The following CNTNAP2 variants were observed in gnomAD, a reference collection of about 807,000 sequenced individuals.
The protein encoded by CNTNAP2 is contactin-associated protein-like 2.
In CNTNAP2, 98 loss-of-function variants were observed where a neutral mutation model predicts 155.2. The ratio of observed to expected loss-of-function variants is 0.63; its 90% CI spans 0.54 to 0.75. CNTNAP2 has a LOEUF of 0.75. Ranked by LOEUF, CNTNAP2 falls within the 30% of genes least tolerant of loss-of-function variation. The probability of loss-of-function intolerance (pLI) is 0.00; values close to 1 mark genes in which losing one functional copy is unlikely to be tolerated. For missense variants in CNTNAP2, 1,727 were observed against 1,688.1 expected (o/e 1.02, Z -0.40); for synonymous variants, 651 against 631.2 (o/e 1.03, Z -0.47).
intron 1 of CNTNAP2, among the ~76,000 whole-genome samples, chr7:146,387,643 A>T (rs893353030): frequency 6.6e-6 from 1 of 152,174 alleles, no homozygotes; most frequent in Admixed American, 6.5e-5. Context: ...ACCCTACTGC[A>T]TAGTAGATGG....
chr7:147,995,662 C>G (rs1054797060), intron 15 of CNTNAP2, among the ~76,000 whole-genome samples: 1 of 151,960 alleles, frequency 6.6e-6, no homozygotes, highest in Non-Finnish European at 1.5e-5. Context: ...TACAGGCGCC[C>G]GCCACCATGC....
At chr7:147,752,853 T>TAAAA (rs1176833143) in intron 13 of CNTNAP2, among the ~76,000 whole-genome samples, 18 of 152,288 alleles carry the variant, frequency 1.2e-4, no homozygotes, top group Non-Finnish European at 2.4e-4. Flanking sequence ...TGTTTTTGTG[T>TAAAA]CATGGAAAAC....
At chr7:147,928,745 A>C (rs1800443073) in intron 14 of CNTNAP2, among the ~76,000 whole-genome samples, 1 of 152,084 alleles carries the variant, frequency 6.6e-6, no homozygotes, top group Non-Finnish European at 1.5e-5. Context: ...AGTCCTAAAA[A>C]CCACATCTTA....
chr7:146,264,441 A>G (rs1415434814), intron 1 of CNTNAP2, among the ~76,000 whole-genome samples: 2 of 151,696 alleles, frequency 1.3e-5, no homozygotes, highest in Non-Finnish European at 2.9e-5. Flanking sequence ...ATACAGTGAG[A>G]CTCCATCTGA....
chr7:147,274,900 T>A (rs1391106109), intron 8 of CNTNAP2, among the ~76,000 whole-genome samples: 1 of 152,120 alleles, frequency 6.6e-6, no homozygotes, highest in East Asian at 1.9e-4. Flanking sequence ...CTCTCCAATT[T>A]TCTCAACACC....
intron 10 of CNTNAP2, among the ~76,000 whole-genome samples, chr7:147,481,883 A>T (rs1011278592): frequency 6.6e-6 from 1 of 152,228 alleles, no homozygotes; most frequent in African/African-American, 2.4e-5. Context: ...CAAATTACAC[A>T]TTCCTTGTGG....
chr7:146,933,427 A>G (rs951800122), intron 3 of CNTNAP2, among the ~76,000 whole-genome samples: 5 of 151,522 alleles, frequency 3.3e-5, no homozygotes, highest in Admixed American at 1.3e-4. Flanking sequence ...TACCTTATAC[A>G]AAAATTAATT....
chr7:147,994,935 G>A (rs1801775873), intron 15 of CNTNAP2, among the ~76,000 whole-genome samples: 1 of 152,170 alleles, frequency 6.6e-6, no homozygotes, highest in Non-Finnish European at 1.5e-5. Context: ...GTACTCATGG[G>A]TATGACTACA....
intron 1 of CNTNAP2, 45 bp downstream of exon 1, chr7:146,117,018 G>A: frequency 6.7e-7 from 1 of 1,494,760 alleles, no homozygotes; most frequent in Admixed American, 2.0e-5. Context: ...GTTTCAGTGC[G>A]GCATTGATGT....
rs1364604968 is a variant in CNTNAP2 at position 146,839,830 on chromosome 7, G to A, written c.328G>A (p.Val110Met). The A allele has an allele frequency of 5.0e-6, 8 of 1,614,018 alleles. No individual in the cohort carries two copies. The highest frequency in any genetic ancestry group is 6.8e-6 in the Non-Finnish European group (8 of 1,180,050). Residue 110 changes from valine (V) to methionine (M), a missense_variant, in exon 3 of 24, where the codon GTG becomes ATG. By Grantham distance (21) the Val-to-Met change is conservative. Transcript: ENST00000361727. The stretch of plus-strand genomic sequence containing the variant: ...AGGAAGGTATAGCAGCTCAGATTGG[G>A]TGACCCAATACCGGATGCTCTACAG... ...TQGRYSSSDWVTQYRMLYSDT... is the reference protein window; with the variant it reads ...TQGRYSSSDWMTQYRMLYSDT...
At chr7:146,630,184 C>G (rs1165977198) in intron 1 of CNTNAP2, among the ~76,000 whole-genome samples, 1 of 151,992 alleles carries the variant, frequency 6.6e-6, no homozygotes, top group Non-Finnish European at 1.5e-5. Flanking sequence ...CTACCTGTGT[C>G]CATGTGTTCT....
In CNTNAP2 at chr7:147,019,129, G is replaced by A. The variant is rs182056259; in HGVS notation, c.403-24778G>A. Among the ~76,000 whole-genome samples the A allele has an allele frequency of 1.3e-3, 198 of 152,138 alleles. 4 individuals are homozygous for A. Among genetic ancestry groups the A allele is most frequent in the African/African-American group, 4.2e-3 (175 of 41,556 alleles). ...CCCTACATTTTCTAAGTAGTACTGA[G>A]AGTTTGTTGTCCAATTGGAAATTCA... On this transcript the variant is annotated intron_variant, in intron 3 of 23. Coordinates refer to ENST00000361727, the MANE Select transcript of CNTNAP2 (RefSeq NM_014141.6).
intron 13 of CNTNAP2, among the ~76,000 whole-genome samples, chr7:147,667,924 G>A (rs1462921808): frequency 2.0e-5 from 3 of 152,144 alleles, no homozygotes; most frequent in South Asian, 2.1e-4. Context: ...ACTAAGGAGT[G>A]TATAAATGGC....
chr7:147,149,733 A>G (rs750963326), intron 8 of CNTNAP2, among the ~76,000 whole-genome samples: 3 of 152,340 alleles, frequency 2.0e-5, no homozygotes, highest in Non-Finnish European at 2.9e-5. Flanking sequence ...AGATAGATAC[A>G]TAGATAGAAC....
chr7:148,277,653 G>A (rs1164477400), intron 21 of CNTNAP2, among the ~76,000 whole-genome samples: 1 of 146,294 alleles, frequency 6.8e-6, no homozygotes, highest in Non-Finnish European at 1.5e-5. Flanking sequence ...TGGGAAGCAA[G>A]GCAAGAGCCC....
At chr7:147,763,195 G>A (rs937463459) in intron 13 of CNTNAP2, among the ~76,000 whole-genome samples, 1 of 151,240 alleles carries the variant, frequency 6.6e-6, no homozygotes, top group African/African-American at 2.4e-5. Flanking sequence ...GGAGGCGGAG[G>A]TTGTGGTGAG....
chr7:147,710,508 A>G (rs971188903), intron 13 of CNTNAP2, among the ~76,000 whole-genome samples: 1 of 152,184 alleles, frequency 6.6e-6, no homozygotes, highest in Non-Finnish European at 1.5e-5. Flanking sequence ...ACCTCAGCTT[A>G]AGCATTACTT....
At chr7:147,390,866 C>A (rs973876803) in intron 9 of CNTNAP2, among the ~76,000 whole-genome samples, 1 of 151,986 alleles carries the variant, frequency 6.6e-6, no homozygotes, top group Non-Finnish European at 1.5e-5. Flanking sequence ...AGATTGATTG[C>A]CGGTGTTCAC....
chr7:148,189,557 T>A (rs1795171020), intron 18 of CNTNAP2, among the ~76,000 whole-genome samples: 1 of 152,188 alleles, frequency 6.6e-6, no homozygotes, highest in South Asian at 2.1e-4. Context: ...CTCAAGGGCA[T>A]GGCTCCTCTT....
Sources: gnomAD v4.1 joint callset for allele counts (sites outside exome capture counted in the v4.1 genomes callset) on GRCh38, gnomAD v4.1.1 for gene constraint, MANE v1.5 for transcripts, NCBI Gene and HGNC (gene_info 2026-07-23, HGNC 2026-07-21) for gene names.